L3MBTL4: variants seen among roughly 807,000 people sequenced by gnomAD.
The protein encoded by L3MBTL4 is L3MBTL histone methyl-lysine binding protein 4, also known as lethal(3)malignant brain tumor-like protein 4.
L3MBTL4 carries 70 observed loss-of-function variants against 84.5 expected under a neutral mutation model. That is an observed-to-expected ratio of 0.83 (90% confidence interval 0.68 to 1.01). L3MBTL4 has a LOEUF of 1.01. Ranked by LOEUF, L3MBTL4 falls within the 50% of genes least tolerant of loss-of-function variation. L3MBTL4 has a pLI of 0.00. For synonymous variants in L3MBTL4, 274 were observed against 259.8 expected (o/e 1.05, Z -0.52); for missense variants, 715 against 754.8 (o/e 0.95, Z 0.62).
chr18:6,006,967 G>C (rs1034899181), intron 16 of L3MBTL4, among the ~76,000 whole-genome samples: 3 of 152,002 alleles, frequency 2.0e-5, no homozygotes, highest in African/African-American at 7.2e-5. Flanking sequence ...AAAGATTTCA[G>C]GTAAACAATA....
chr18:6,111,496 C>T (rs1289316124), intron 14 of L3MBTL4, among the ~76,000 whole-genome samples: 1 of 152,164 alleles, frequency 6.6e-6, no homozygotes, highest in Non-Finnish European at 1.5e-5. Context: ...CCCATGATAT[C>T]ACTTGCATAT....
intron 14 of L3MBTL4, among the ~76,000 whole-genome samples, chr18:6,127,857 A>G (rs967909639): frequency 1.3e-5 from 2 of 152,116 alleles, no homozygotes; most frequent in African/African-American, 4.8e-5. Flanking sequence ...ACCCTCCCAG[A>G]AGTTCACCAT....
At chr18:6,181,157 A>AT (rs111379337) in intron 12 of L3MBTL4, among the ~76,000 whole-genome samples, 2,582 of 143,472 alleles carry the variant, frequency 0.018, 55 homozygotes, top group African/African-American at 0.051. Flanking sequence ...GGTGAGGACA[A>AT]TTTTTTTTTT....
rs139503931 is a variant in L3MBTL4 at position 6,128,109 on chromosome 18, C to T, written c.1199+10085G>A. Among the ~76,000 whole-genome samples the T allele has an allele frequency of 3.8e-3, 562 of 149,150 alleles. 4 individuals carry two copies. Among genetic ancestry groups the T allele is most frequent in the African/African-American group, 0.013 (512 of 39,950 alleles). On this transcript the variant is annotated intron_variant, in intron 14 of 18. Transcript: ENST00000317931. ...TATCAGAGAGGTAAGAAAAGCTACACAATCTATCCAGCAAGAACAGGATAC... is the reference window on the plus strand; with the variant it reads ...TATCAGAGAGGTAAGAAAAGCTACATAATCTATCCAGCAAGAACAGGATAC...
At chr18:6,364,271 ATTAT>A (rs1261713505) in intron 1 of L3MBTL4, among the ~76,000 whole-genome samples, 1 of 152,136 alleles carries the variant, frequency 6.6e-6, no homozygotes, top group Non-Finnish European at 1.5e-5. Context: ...TCATTAAAAT[ATTAT>A]TTATGTTAAG....
chr18:6,278,229 G>A (rs1352123473), intron 4 of L3MBTL4, among the ~76,000 whole-genome samples: 2 of 151,910 alleles, frequency 1.3e-5, no homozygotes, highest in Non-Finnish European at 2.9e-5. Context: ...GTTACATTAT[G>A]GTAAATAATT....
intron 5 of L3MBTL4, chr18:6,260,875 T>C (rs1212062135): frequency 6.6e-6 from 1 of 152,230 alleles, no homozygotes; most frequent in Non-Finnish European, 1.5e-5. Context: ...TGCTCCTTCT[T>C]GGAAAGCTGA....
At chr18:6,127,438 T>G (rs1302252146) in intron 14 of L3MBTL4, among the ~76,000 whole-genome samples, 1 of 152,172 alleles carries the variant, frequency 6.6e-6, no homozygotes, top group Non-Finnish European at 1.5e-5. Flanking sequence ...TGTGATGACT[T>G]AGAACAACTA....
At chr18:5,996,173 A>G (rs2053954024) in intron 16 of L3MBTL4, among the ~76,000 whole-genome samples, 1 of 152,218 alleles carries the variant, frequency 6.6e-6, no homozygotes, top group African/African-American at 2.4e-5. Flanking sequence ...CAAATCCTAG[A>G]AAATGTAGCA....
chr18:6,340,300 C>A (rs1462064448), intron 1 of L3MBTL4, among the ~76,000 whole-genome samples: 1 of 152,106 alleles, frequency 6.6e-6, no homozygotes. Context: ...TTTCTAGCAG[C>A]TTGATAAGCA....
intron 13 of L3MBTL4, among the ~76,000 whole-genome samples, chr18:6,146,418 C>T (rs182338684): frequency 6.6e-6 from 1 of 152,190 alleles, no homozygotes; most frequent in Non-Finnish European, 1.5e-5. Context: ...AGCGAGGCGG[C>T]TGAGAGCGAG....
intron 14 of L3MBTL4, among the ~76,000 whole-genome samples, chr18:6,100,463 A>C (rs2058785542): frequency 6.6e-6 from 1 of 152,158 alleles, no homozygotes; most frequent in Non-Finnish European, 1.5e-5. Context: ...AATTCTTGTG[A>C]GATGATTCTC....
chr18:6,012,427 C>T (rs1054926418), intron 16 of L3MBTL4, among the ~76,000 whole-genome samples: 6 of 152,174 alleles, frequency 3.9e-5, no homozygotes, highest in South Asian at 2.1e-4. Flanking sequence ...AAAGCATACA[C>T]AAACATCAGA....
chr18:6,107,682 A>G (rs577590504), intron 14 of L3MBTL4, among the ~76,000 whole-genome samples: 1 of 152,118 alleles, frequency 6.6e-6, no homozygotes, highest in South Asian at 2.1e-4. Flanking sequence ...CTAACATTTT[A>G]AGTGACAGGA....
chr18:6,031,077 T>C (rs1037878080), intron 16 of L3MBTL4: 1 of 985,316 alleles, frequency 1.0e-6, no homozygotes, highest in Non-Finnish European at 1.2e-6. Context: ...CATCCAATTA[T>C]TAATTATAGG....
intron 1 of L3MBTL4, among the ~76,000 whole-genome samples, chr18:6,404,843 G>T (rs2055658010): frequency 6.6e-6 from 1 of 151,354 alleles, no homozygotes; most frequent in Non-Finnish European, 1.5e-5. Flanking sequence ...ATGCCATCGT[G>T]CCTGGATAAT....
intron 16 of L3MBTL4, among the ~76,000 whole-genome samples, chr18:6,004,385 A>G (rs954109271): frequency 6.6e-6 from 1 of 152,192 alleles, no homozygotes; most frequent in African/African-American, 2.4e-5. Flanking sequence ...TCAGTAATCA[A>G]CACCCCCTTG....
intron 1 of L3MBTL4, among the ~76,000 whole-genome samples, chr18:6,328,051 G>T (rs921632512): frequency 6.6e-6 from 1 of 152,162 alleles, no homozygotes; most frequent in Non-Finnish European, 1.5e-5. Flanking sequence ...AGCACATGGT[G>T]GCAGCCTGGC....
At chr18:6,171,471 T>G (rs2043967578) in intron 13 of L3MBTL4, among the ~76,000 whole-genome samples, 1 of 152,214 alleles carries the variant, frequency 6.6e-6, no homozygotes, top group African/African-American at 2.4e-5. Flanking sequence ...GTGTAGTCTA[T>G]TCTATAAAAT....
Sources: allele counts gnomAD v4.1 joint callset (sites outside exome capture counted in the v4.1 genomes callset), GRCh38; gene constraint gnomAD v4.1.1; transcripts MANE v1.5; gene names NCBI Gene and HGNC (gene_info 2026-07-23, HGNC 2026-07-21).